The following LMAN1 variants were observed in gnomAD, a reference collection of about 807,000 sequenced individuals.
The protein encoded by LMAN1 is lectin, mannose binding 1, also known as protein ERGIC-53.
Under a neutral mutation model 67.8 loss-of-function variants are expected in LMAN1, and 32 were observed. That is an observed-to-expected ratio of 0.47 (90% CI 0.36 to 0.63). LMAN1 has a LOEUF of 0.63. Ranked by LOEUF, LMAN1 falls within the 30% of genes least tolerant of loss-of-function variation. LMAN1 has a pLI of 0.00. For missense variants in LMAN1, 632 were observed against 628.2 expected, an observed-to-expected ratio of 1.01 and a Z score of -0.06; for synonymous variants, 235 against 219.3, an observed-to-expected ratio of 1.07 and a Z score of -0.63.
intron 7 of LMAN1, among the ~76,000 whole-genome samples, chr18:59,346,856 G>A (rs1908420657): frequency 6.6e-6 from 1 of 151,972 alleles, no homozygotes; most frequent in Non-Finnish European, 1.5e-5. Flanking sequence ...ACCATTTACT[G>A]AGCACTTGCT....
chr18:59,331,587 G>T (rs1393327792), intron 11 of LMAN1, 48 bp from the exon 12 acceptor site: 4 of 1,595,376 alleles, frequency 2.5e-6, no homozygotes, highest in Middle Eastern at 3.3e-4. Context: ...ATAGCAGTTT[G>T]GAAAAAGAAA....
chr18:59,343,560 C>G (rs760310091), intron 8 of LMAN1, among the ~76,000 whole-genome samples: 32 of 152,188 alleles, frequency 2.1e-4, no homozygotes, highest in Admixed American at 3.9e-4. Flanking sequence ...AAAGGACATC[C>G]TATTCAATAA....
intron 7 of LMAN1, 109 bp from the exon 8 acceptor site, chr18:59,346,160 G>T: frequency 3.8e-6 from 3 of 795,686 alleles, no homozygotes; most frequent in South Asian, 1.8e-5. Context: ...TAGCGGAAAG[G>T]TTAACATAAA....
chr18:59,354,039 C>T (rs1007789251), intron 4 of LMAN1, among the ~76,000 whole-genome samples: 4 of 152,040 alleles, frequency 2.6e-5, no homozygotes, highest in Admixed American at 6.5e-5. Context: ...TCCACAGATA[C>T]GGAACCCACA....
intron 10 of LMAN1, chr18:59,333,682 C>T (rs1255076881): frequency 6.0e-6 from 1 of 166,654 alleles, no homozygotes; most frequent in African/African-American, 2.4e-5. Flanking sequence ...TGATTTCACT[C>T]ATACAGCATA....
chr18:59,350,737 C>T (rs996871146), intron 5 of LMAN1, among the ~76,000 whole-genome samples: 4 of 152,082 alleles, frequency 2.6e-5, no homozygotes, highest in African/African-American at 4.8e-5. Flanking sequence ...CCTCGTGATC[C>T]GCCCGCCTCG....
chr18:59,341,744 G>T (rs759236084), intron 8 of LMAN1, among the ~76,000 whole-genome samples: 1 of 151,902 alleles, frequency 6.6e-6, no homozygotes, highest in Non-Finnish European at 1.5e-5. Context: ...TGGAAAGATC[G>T]CAAACAATCT....
rs555831589 is a variant in LMAN1, at chr18:59,338,733, G to A, written c.1149+27C>T. 8.1e-6 allele frequency: 13 copies of A among 1,612,014 alleles called. No homozygotes were observed. In the South Asian group the frequency reaches 1.1e-4, roughly 14 times the overall value. On this transcript the variant is annotated intron_variant, in intron 9 of 12. Transcript: ENST00000251047. ...TCCCTTCCAGCAAAGGGTAAATGGGGCACATCTGCATATTCTGCAAGCCCA... is the reference window on the plus strand; with the variant it reads ...TCCCTTCCAGCAAAGGGTAAATGGGACACATCTGCATATTCTGCAAGCCCA...
At chr18:59,355,738 A>G (rs954995152) in intron 1 of LMAN1, 80 bp from the exon 2 acceptor site, 4 of 1,433,598 alleles carry the variant, frequency 2.8e-6, no homozygotes, top group Admixed American at 1.7e-5. Flanking sequence ...TGCTAAATAT[A>G]CCTACAGAGA....
Position 59,359,245 on chromosome 18 carries a change from C to T in LMAN1, c.-1G>A, listed in dbSNP as rs1454049194. 2 of 1,613,568 alleles carry T rather than the reference C, an allele frequency of 1.2e-6. No individual in the cohort carries two copies. Among genetic ancestry groups the T allele is most frequent in the South Asian group, 1.1e-5 (1 of 91,046 alleles). On this transcript the variant is annotated 5_prime_UTR_variant, in exon 1 of 13. Transcript: ENST00000251047. ...GACCCCTTTGCCTGGATCCCGCCAT[C>T]TTGGATTCTGGAACGCGGAGGAGGG...
Position 59,329,902 on chromosome 18 carries a change from G to C in LMAN1, c.*1191C>G, listed in dbSNP as rs2070737052. On this transcript the variant is annotated 3_prime_UTR_variant, in exon 13 of 13. Coordinates refer to ENST00000251047, the MANE Select transcript of LMAN1 (RefSeq NM_005570.4). ...AATCAGTATAAATCAGCTGTGAACA[G>C]AATTAAATTTGCATCTTAAAATGTC... The C allele has an allele frequency of 6.6e-6, 1 of 152,098 alleles. No individual in the cohort carries two copies. The highest frequency in any genetic ancestry group is 2.4e-5 in the African/African-American group (1 of 41,408). The allele number at this position is 152,098 out of a possible 1,614,324, so 9.4% of individuals were successfully genotyped here.
At chr18:59,358,460 T>C (rs1908711501) in intron 1 of LMAN1, among the ~76,000 whole-genome samples, 1 of 152,046 alleles carries the variant, frequency 6.6e-6, no homozygotes, top group Admixed American at 6.6e-5. Context: ...TCTTCTGACA[T>C]ACAAAGACTT....
intron 4 of LMAN1, among the ~76,000 whole-genome samples, chr18:59,353,951 T>C (rs1209791244): frequency 1.3e-5 from 2 of 152,196 alleles, no homozygotes; most frequent in Admixed American, 6.5e-5. Flanking sequence ...AAATAGTTGT[T>C]ACAATGTATT....
intron 8 of LMAN1, among the ~76,000 whole-genome samples, chr18:59,342,095 C>T (rs1908301363): frequency 6.6e-6 from 1 of 151,960 alleles, no homozygotes; most frequent in African/African-American, 2.4e-5. Flanking sequence ...GGATAAGTTC[C>T]TGGAAACACA....
intron 12 of LMAN1, 131 bp downstream of exon 12, chr18:59,331,287 G>A (rs962916917): frequency 7.1e-6 from 8 of 1,121,520 alleles, no homozygotes; most frequent in African/African-American, 6.3e-5. Flanking sequence ...GAACTGAAAT[G>A]AACAGAAATC....
intron 10 of LMAN1, among the ~76,000 whole-genome samples, chr18:59,337,776 A>G (rs1908192302): frequency 1.3e-5 from 2 of 152,204 alleles, no homozygotes; most frequent in South Asian, 4.1e-4. Context: ...TTGCAGTTAT[A>G]AGTTAAGTGC....
In LMAN1 at chr18:59,350,121, A is replaced by G. The variant is rs553770654; in HGVS notation, c.640-885T>C. On this transcript the variant is annotated intron_variant, in intron 5 of 12. Coordinates refer to ENST00000251047, the MANE Select transcript of LMAN1 (RefSeq NM_005570.4). Reference sequence around the variant, plus strand: ...TGGTATTCTGTCCAAATTTTCAGCAAGAGAATAAAATCTGTCAATATGAAG... The same window carrying G: ...TGGTATTCTGTCCAAATTTTCAGCAGGAGAATAAAATCTGTCAATATGAAG... Among the ~76,000 whole-genome samples the G allele has an allele frequency of 2.6e-5, 4 of 152,362 alleles. No homozygotes were observed. In the East Asian group the frequency reaches 7.7e-4, roughly 29 times the overall value.
At chr18:59,354,375 C>T (rs1483455457) in intron 4 of LMAN1, 144 bp downstream of exon 4, 1 of 619,092 alleles carries the variant, frequency 1.6e-6, no homozygotes, top group African/African-American at 1.8e-5. Context: ...AAAATAAAAC[C>T]TTTCTACCAA....
chr18:59,338,521 T>A lies in LMAN1; in HGVS notation c.1220+36A>T, dbSNP rs773022555. On this transcript the variant is annotated intron_variant, in intron 10 of 12. Transcript: ENST00000251047. ...AGTCACAAATTTAGGATAAAAAAAA[T>A]CACATAACACACAAACGCTACTTTT... 6 of 1,558,474 alleles carry A rather than the reference T, an allele frequency of 3.8e-6. No individual in the cohort carries two copies. In the South Asian group the frequency reaches 6.7e-5, roughly 17 times the overall value.
Sources: allele counts gnomAD v4.1 joint callset (sites outside exome capture counted in the v4.1 genomes callset), GRCh38; gene constraint gnomAD v4.1.1; transcripts MANE v1.5; gene names NCBI Gene and HGNC (gene_info 2026-07-23, HGNC 2026-07-21).